TMTC2: variants seen among roughly 807,000 people sequenced by gnomAD.
The protein encoded by TMTC2 is protein O-mannosyl-transferase TMTC2.
TMTC2 carries 43 observed loss-of-function variants against 82.4 expected under a neutral mutation model. The ratio of observed to expected loss-of-function variants is 0.52; its 90% confidence interval spans 0.41 to 0.67. TMTC2 has a LOEUF of 0.67. Among genes scored for constraint, TMTC2 ranks in the 30% least tolerant of loss-of-function variants. The pLI is 0.00. For missense variants in TMTC2, 919 were observed against 1,012.4 expected, an observed-to-expected ratio of 0.91 and a Z score of 1.25; for synonymous variants, 408 against 381.9, an observed-to-expected ratio of 1.07 and a Z score of -0.80.
intron 8 of TMTC2, among the ~76,000 whole-genome samples, chr12:83,000,161 T>C (rs1024126375): frequency 3.3e-5 from 5 of 151,960 alleles, no homozygotes; most frequent in Admixed American, 6.6e-5. Context: ...TTGAGGCAGA[T>C]TCTCGCTCTG....
intron 4 of TMTC2, among the ~76,000 whole-genome samples, chr12:82,942,844 A>C (rs1876793036): frequency 6.6e-6 from 1 of 152,032 alleles, no homozygotes; most frequent in Non-Finnish European, 1.5e-5. Flanking sequence ...TTTTTTATTT[A>C]GAAAAAAAAA....
At chr12:82,732,130 C>T (rs1428848474) in intron 1 of TMTC2, among the ~76,000 whole-genome samples, 1 of 152,110 alleles carries the variant, frequency 6.6e-6, no homozygotes, top group Non-Finnish European at 1.5e-5. Context: ...GAATTAAGTA[C>T]TTATGTATTT....
At chr12:82,980,798 C>T (rs1288434934) in intron 7 of TMTC2, among the ~76,000 whole-genome samples, 1 of 151,824 alleles carries the variant, frequency 6.6e-6, no homozygotes, top group Non-Finnish European at 1.5e-5. Flanking sequence ...CATAATTTTG[C>T]CCATAGCCAC....
At chr12:82,910,911 C>T (rs986280116) in intron 3 of TMTC2, among the ~76,000 whole-genome samples, 3 of 151,272 alleles carry the variant, frequency 2.0e-5, no homozygotes, top group East Asian at 3.9e-4. Flanking sequence ...GGCAGAGTCT[C>T]GCTCTGTCGC....
intron 3 of TMTC2, among the ~76,000 whole-genome samples, chr12:82,921,694 G>A (rs889596063): frequency 6.6e-6 from 1 of 152,112 alleles, no homozygotes; most frequent in Non-Finnish European, 1.5e-5. Flanking sequence ...ATTAGATTGG[G>A]ATTTTGGAAC....
intron 1 of TMTC2, among the ~76,000 whole-genome samples, chr12:82,708,351 A>C (rs1426432481): frequency 6.6e-6 from 1 of 152,202 alleles, no homozygotes; most frequent in Non-Finnish European, 1.5e-5. Flanking sequence ...TGAAAGCTCA[A>C]GGTCAGACTT....
intron 1 of TMTC2, among the ~76,000 whole-genome samples, chr12:82,852,972 A>G (rs1258927112): frequency 9.2e-5 from 14 of 152,242 alleles, no homozygotes; most frequent in African/African-American, 4.8e-5. Context: ...GGAGAATTTT[A>G]TCATACTAAT....
intron 1 of TMTC2, among the ~76,000 whole-genome samples, chr12:82,781,864 C>G (rs1877928160): frequency 6.6e-6 from 1 of 151,762 alleles, no homozygotes; most frequent in East Asian, 1.9e-4. Flanking sequence ...TTTAGTGACC[C>G]TTGTCATCTT....
intron 1 of TMTC2, among the ~76,000 whole-genome samples, chr12:82,726,433 C>T (rs909839092): frequency 6.6e-6 from 1 of 152,108 alleles, no homozygotes; most frequent in African/African-American, 2.4e-5. Flanking sequence ...TTCTTATGTG[C>T]CAGGTGTTGG....
intron 7 of TMTC2, among the ~76,000 whole-genome samples, chr12:82,971,402 T>C (rs975493079): frequency 1.3e-5 from 2 of 152,142 alleles, no homozygotes; most frequent in Non-Finnish European, 2.9e-5. Context: ...ACTGGATACT[T>C]AAAATTTTTT....
At chr12:82,755,495 G>A (rs768255262) in intron 1 of TMTC2, among the ~76,000 whole-genome samples, 1 of 152,174 alleles carries the variant, frequency 6.6e-6, no homozygotes, top group Non-Finnish European at 1.5e-5. Flanking sequence ...TGGCATTTTT[G>A]TTGAAATTAT....
intron 3 of TMTC2, among the ~76,000 whole-genome samples, chr12:82,927,325 G>C (rs1875778808): frequency 6.6e-6 from 1 of 152,204 alleles, no homozygotes; most frequent in Non-Finnish European, 1.5e-5. Context: ...GTCGTGGAGA[G>C]AGCAAGAGAA....
intron 2 of TMTC2, among the ~76,000 whole-genome samples, chr12:82,873,426 T>A (rs2137140809): frequency 6.6e-6 from 1 of 152,246 alleles, no homozygotes; most frequent in Non-Finnish European, 1.5e-5. Context: ...AATCAGGATA[T>A]CTTCTTTGGG....
intron 1 of TMTC2, among the ~76,000 whole-genome samples, chr12:82,771,728 A>C (rs960719232): frequency 6.6e-6 from 1 of 152,236 alleles, no homozygotes; most frequent in African/African-American, 2.4e-5. Context: ...TGAACAATAG[A>C]AAGTGATAAG....
intron 3 of TMTC2, among the ~76,000 whole-genome samples, chr12:82,917,962 A>G (rs1253044043): frequency 6.6e-6 from 1 of 151,972 alleles, no homozygotes; most frequent in African/African-American, 2.4e-5. Context: ...CAGTGGTGCC[A>G]TCACAAATCA....
intron 1 of TMTC2, among the ~76,000 whole-genome samples, chr12:82,778,989 A>G (rs1877749761): frequency 6.7e-6 from 1 of 148,878 alleles, no homozygotes; most frequent in African/African-American, 2.5e-5. Context: ...GTGAGCCAGG[A>G]TTGCACCACT....
intron 11 of TMTC2, among the ~76,000 whole-genome samples, chr12:83,100,073 C>T (rs989785723): frequency 2.0e-5 from 3 of 152,034 alleles, no homozygotes; most frequent in Non-Finnish European, 4.4e-5. Context: ...GCGCCCGCCA[C>T]CATGCTTGGC....
In TMTC2 at chr12:82,896,064, C is replaced by G; in HGVS notation, c.901C>G (p.Leu301Val). 2 of 1,614,022 alleles carry G rather than the reference C, an allele frequency of 1.2e-6. No homozygotes were observed. The highest frequency in any genetic ancestry group is 8.5e-7 in the Non-Finnish European group (1 of 1,180,006). The stretch of plus-strand genomic sequence containing the variant: ...TGATTGGTCAATGGATGCTGTGCCT[C>G]TGCTCAAAACAGTTTGTGACTGGAG... ...SFDWSMDAVP[L>V]LKTVCDWRNL... Residue 301 changes from leucine to valine, a missense_variant, in exon 3 of 12, where the codon CTG (leucine) becomes GTG (valine). Coordinates refer to ENST00000321196, the MANE Select transcript of TMTC2 (RefSeq NM_152588.3).
At chr12:82,958,725 A>C (rs1877754829) in intron 4 of TMTC2, among the ~76,000 whole-genome samples, 1 of 152,088 alleles carries the variant, frequency 6.6e-6, no homozygotes, top group African/African-American at 2.4e-5. Flanking sequence ...AGCCAACATC[A>C]TACTAAGTGG....
Sources: gnomAD v4.1 joint callset for allele counts (sites outside exome capture counted in the v4.1 genomes callset) on GRCh38, gnomAD v4.1.1 for gene constraint, MANE v1.5 for transcripts, NCBI Gene and HGNC (gene_info 2026-07-23, HGNC 2026-07-21) for gene names.